Variants in DLC1 observed in about 807,000 individuals in gnomAD.
The protein encoded by DLC1 is DLC1 Rho GTPase activating protein.
A neutral mutation model predicts 140.3 loss-of-function variants in DLC1; 54 were observed. The observed-to-expected ratio is 0.38, with a 90% CI of 0.31 to 0.48. The LOEUF is 0.48. DLC1 is among the 20% of genes least tolerant of loss of function. The pLI is 0.96. For synonymous variants in DLC1, 986 were observed against 728.1 expected (o/e 1.35, Z -5.70); for missense variants, 2,536 against 1,907.0 (o/e 1.33, Z -6.14).
intron 5 of DLC1, among the ~76,000 whole-genome samples, chr8:13,164,314 A>ATCTATC (rs1554456651): frequency 6.1e-5 from 9 of 148,726 alleles, no homozygotes; most frequent in African/African-American, 2.0e-4. Flanking sequence ...AAAAATCTCT[A>ATCTATC]TATCTATCTA....
intron 1 of DLC1, among the ~76,000 whole-genome samples, chr8:13,520,940 CA>C (rs1042972321): frequency 5.3e-5 from 8 of 151,704 alleles, no homozygotes; most frequent in Admixed American, 4.6e-4. Context: ...AATTCATGGC[CA>C]AAAAAAGGGT....
rs1029353057 is a variant in DLC1, at chr8:13,091,394, T to G, written c.3779A>C (p.Gln1260Pro). Residue 1260 changes from glutamine to proline, a missense_variant, in exon 14 of 18, where the codon CAG becomes CCG. Coordinates refer to ENST00000276297, the MANE Select transcript of DLC1 (RefSeq NM_182643.3). The stretch of plus-strand genomic sequence containing the variant: ...AGCTAGGTTTTCATTCAAATCTTTC[T>G]GATCTGGTTTGCCCAAACTTTGTTT... ...QRKQSLGKPDQKDLNENLAAT... is the reference protein window; with the variant it reads ...QRKQSLGKPDPKDLNENLAAT... 1 of 1,614,084 alleles carries G rather than the reference T, an allele frequency of 6.2e-7. No homozygotes were observed. The highest frequency in any genetic ancestry group is 8.5e-7 in the Non-Finnish European group (1 of 1,180,048).
chr8:13,307,982 G>A (rs992270328), intron 4 of DLC1, among the ~76,000 whole-genome samples: 9 of 152,206 alleles, frequency 5.9e-5, no homozygotes, highest in African/African-American at 2.2e-4. Flanking sequence ...TATTTTGTAT[G>A]AGACATTTAG....
In DLC1 at chr8:13,196,136, T is replaced by C. The variant is rs1043701490; in HGVS notation, c.1349-80479A>G. Among the ~76,000 whole-genome samples, 3 of 130,722 alleles carry C rather than the reference T, an allele frequency of 2.3e-5. No individual in the cohort carries two copies. In the East Asian group the frequency reaches 8.2e-4, roughly 36 times the overall value. The allele number at this position is 130,722 out of a possible 152,430, so 85.8% of individuals were successfully genotyped here. Reference sequence around the variant, plus strand: ...CACACACACACACACACACGTGAACTCGAAGAAATATCAACACATGAGAGT... The same window carrying C: ...CACACACACACACACACACGTGAACCCGAAGAAATATCAACACATGAGAGT... On this transcript the variant is annotated intron_variant, in intron 5 of 17. Transcript: ENST00000276297.
At chr8:13,265,692 T>G (rs554454919) in intron 5 of DLC1, among the ~76,000 whole-genome samples, 12 of 151,686 alleles carry the variant, frequency 7.9e-5, no homozygotes, top group Non-Finnish European at 1.8e-4. Context: ...TCTTCTTCCT[T>G]CCTTCCTCTC....
At chr8:13,564,697 T>C (rs1444138809) in intron 1 of DLC1, among the ~76,000 whole-genome samples, 1 of 152,206 alleles carries the variant, frequency 6.6e-6, no homozygotes, top group Admixed American at 6.5e-5. Context: ...TGAATTTGTT[T>C]TGACTTCCTC....
intron 2 of DLC1, among the ~76,000 whole-genome samples, chr8:13,479,835 G>GAGAAAAAGAAAGAAAGAAAGA (rs1563383478): frequency 7.6e-4 from 30 of 39,478 alleles, no homozygotes; most frequent in East Asian, 4.1e-3. Context: ...AGAAGAAGAA[G>GAGAAAAAGAAAGAAAGAAAGA]AAGAAGAAGA....
chr8:13,527,071 T>C (rs1802941715), intron 1 of DLC1, among the ~76,000 whole-genome samples: 1 of 152,202 alleles, frequency 6.6e-6, no homozygotes, highest in South Asian at 2.1e-4. Context: ...TCTACATAGG[T>C]GATCATATTG....
chr8:13,381,938 C>T (rs1437288848), intron 4 of DLC1, among the ~76,000 whole-genome samples: 1 of 151,986 alleles, frequency 6.6e-6, no homozygotes, highest in African/African-American at 2.4e-5. Flanking sequence ...GGATGCTAGA[C>T]AGATGGAAAC....
chr8:13,297,261 C>G (rs1387173508), intron 5 of DLC1, among the ~76,000 whole-genome samples: 2 of 12,406 alleles, frequency 1.6e-4, no homozygotes, highest in African/African-American at 6.6e-4. Context: ...AAGAAGCAGG[C>G]AAGCAGAGGC....
intron 5 of DLC1, among the ~76,000 whole-genome samples, chr8:13,213,615 GC>G (rs1040113153): frequency 6.6e-6 from 1 of 152,116 alleles, no homozygotes; most frequent in African/African-American, 2.4e-5. Flanking sequence ...AAACCACATA[GC>G]AGCTTCCTTT....
chr8:13,359,084 G>T (rs560511973), intron 4 of DLC1, among the ~76,000 whole-genome samples: 1 of 152,196 alleles, frequency 6.6e-6, no homozygotes, highest in African/African-American at 2.4e-5. Context: ...GACTACAGGT[G>T]CCCGCCACCA....
intron 5 of DLC1, among the ~76,000 whole-genome samples, chr8:13,271,374 C>T (rs954005270): frequency 6.6e-6 from 1 of 152,178 alleles, no homozygotes; most frequent in Non-Finnish European, 1.5e-5. Context: ...GGTTGCCCTT[C>T]CTTGGAAGTG....
rs146883882 is a variant in DLC1 at position 13,449,880 on chromosome 8, A to G, written c.1024-48261T>C. On this transcript the variant is annotated intron_variant, in intron 2 of 17. Coordinates refer to ENST00000276297, the MANE Select transcript of DLC1 (RefSeq NM_182643.3). ...GGCAGGCTGTGATGCAATGTGAAGA[A>G]AAATCAAAATCTGTATCAAGAACAC... 1.8e-4 allele frequency among the ~76,000 whole-genome samples: 28 copies of G among 152,242 alleles called. No individual in the cohort carries two copies. The East Asian group carries it at 5.2e-3, about 28-fold the overall frequency.
rs1400707828 is a variant in DLC1 at position 13,447,784 on chromosome 8, T to C, written c.1024-46165A>G. On this transcript the variant is annotated intron_variant, in intron 2 of 17. Coordinates refer to ENST00000276297, the MANE Select transcript of DLC1 (RefSeq NM_182643.3). Reference sequence around the variant, plus strand: ...TTAGTGTTGTTCTTTATTTTTATTGTTTGTTCTTTGTGTTTTTTTTCCTAC... The same window carrying C: ...TTAGTGTTGTTCTTTATTTTTATTGCTTGTTCTTTGTGTTTTTTTTCCTAC... 3.3e-5 allele frequency among the ~76,000 whole-genome samples: 5 copies of C among 152,328 alleles called. No individual in the cohort carries two copies. In the South Asian group the frequency reaches 8.3e-4, roughly 25 times the overall value.
intron 4 of DLC1, 47 bp from the exon 5 acceptor site, chr8:13,305,349 C>T: frequency 6.6e-7 from 1 of 1,519,162 alleles, no homozygotes; most frequent in Non-Finnish European, 8.9e-7. Flanking sequence ...GAAGAAACAT[C>T]AGAAAGCATC....
chr8:13,306,395 G>A (rs762323601), intron 4 of DLC1, among the ~76,000 whole-genome samples: 24 of 152,094 alleles, frequency 1.6e-4, no homozygotes, highest in African/African-American at 5.6e-4. Context: ...AAATATAGTT[G>A]AGGATGTATT....
chr8:13,128,552 G>T lies in DLC1; in HGVS notation c.1349-12895C>A, dbSNP rs1449306420. The stretch of plus-strand genomic sequence containing the variant: ...AGACACTAAGAAAACATATGGGCTT[G>T]CTGGACGCGGTGGCTCACGCCTGTA... On this transcript the variant is annotated intron_variant, in intron 5 of 17. Coordinates refer to ENST00000276297, the MANE Select transcript of DLC1 (RefSeq NM_182643.3). Among the ~76,000 whole-genome samples the T allele has an allele frequency of 2.0e-5, 3 of 152,230 alleles. No homozygotes were observed. In the East Asian group the frequency reaches 5.8e-4, roughly 29 times the overall value.
chr8:13,160,769 A>T (rs1325003680), intron 5 of DLC1, among the ~76,000 whole-genome samples: 4 of 152,156 alleles, frequency 2.6e-5, no homozygotes, highest in African/African-American at 4.8e-5. Flanking sequence ...CATATGAAAG[A>T]GGGGGTGGGG....
Sources: allele counts gnomAD v4.1 joint callset (sites outside exome capture counted in the v4.1 genomes callset), GRCh38; gene constraint gnomAD v4.1.1; transcripts MANE v1.5; gene names NCBI Gene and HGNC (gene_info 2026-07-23, HGNC 2026-07-21).